Variants in TEX48 observed in about 807,000 individuals in gnomAD.
The protein encoded by TEX48 is testis-expressed protein 48.
Under a neutral mutation model 13.2 loss-of-function variants are expected in TEX48, and 10 were observed. The observed-to-expected ratio is 0.75, with a 90% confidence interval of 0.47 to 1.28. The LOEUF (loss-of-function observed/expected upper bound fraction) is 1.28. Among genes scored for constraint, TEX48 ranks in the 50% most tolerant of loss-of-function variants. TEX48 has a pLI of 0.00. For synonymous variants in TEX48, 45 were observed against 52.3 expected, an observed-to-expected ratio of 0.86 and a Z score of 0.60; for missense variants, 116 against 139.4, an observed-to-expected ratio of 0.83 and a Z score of 0.84.
rs2079145442 is a variant in TEX48 at position 114,680,120 on chromosome 9, C to CTTTTTTTTTTTTTTT, written c.-105+1914_-105+1915insAAAAAAAAAAAAAAA. Reference sequence around the variant, plus strand: ...GAAAATACTTTTAATTGTCATTGTCCCTTTTTTTTTTTTTTTTTTTTTTTG... The same window carrying CTTTTTTTTTTTTTTT: ...GAAAATACTTTTAATTGTCATTGTCCTTTTTTTTTTTTTTTCTTTTTTTTTTTTTTTTTTTTTTTG... On this transcript the variant is annotated intron_variant, in intron 1 of 4. Coordinates refer to ENST00000436752, the MANE Select transcript of TEX48 (RefSeq NM_001199233.2). 7.0e-3 allele frequency among the ~76,000 whole-genome samples: 365 copies of CTTTTTTTTTTTTTTT among 52,028 alleles called. 12 individuals are homozygous for CTTTTTTTTTTTTTTT. The highest frequency in any genetic ancestry group is 8.2e-3 in the Non-Finnish European group (219 of 26,556). 34.1% of individuals were successfully genotyped at this position (52,028 alleles called of 152,430 possible).
chr9:114,667,345 G>T lies in TEX48; in HGVS notation c.260-599C>A, dbSNP rs80181874. On this transcript the variant is annotated intron_variant, in intron 4 of 4. Coordinates refer to ENST00000436752, the MANE Select transcript of TEX48 (RefSeq NM_001199233.2). The stretch of plus-strand genomic sequence containing the variant: ...CACCTGGGGATAGAACTGGCGCCCA[G>T]CAATGTGGCTGCATTTCTTCTTCCT... 4.6e-4 allele frequency among the ~76,000 whole-genome samples: 70 copies of T among 152,308 alleles called. No individual in the cohort carries two copies. The East Asian group carries it at 9.6e-3, about 21-fold the overall frequency.
intron 3 of TEX48, 110 bp from the exon 4 acceptor site, chr9:114,668,447 T>A: frequency 1.1e-6 from 1 of 916,282 alleles, no homozygotes; most frequent in Non-Finnish European, 1.7e-6. Flanking sequence ...TGGGGGTTAT[T>A]ATGGGGTGGG....
chr9:114,678,838 C>CAAAAAAAAAAAAAAAAAAAAAAA (rs34355690), intron 1 of TEX48, among the ~76,000 whole-genome samples: 1 of 70,776 alleles, frequency 1.4e-5, no homozygotes. Context: ...GATCCTGACT[C>CAAAAAAAAAAAAAAAAAAAAAAA]AAAAAAAAAA....
At chr9:114,675,715 G>T (rs1032126660) in intron 1 of TEX48, among the ~76,000 whole-genome samples, 23 of 152,266 alleles carry the variant, frequency 1.5e-4, no homozygotes, top group African/African-American at 4.8e-4. Flanking sequence ...CCCACCAAGG[G>T]GGTCCCCAAG....
intron 1 of TEX48, among the ~76,000 whole-genome samples, chr9:114,675,756 A>G (rs1305673349): frequency 3.3e-5 from 5 of 152,104 alleles, no homozygotes; most frequent in Admixed American, 2.6e-4. Flanking sequence ...TGTGATCACC[A>G]CTGTTATTCT....
chr9:114,669,685 C>T (rs746854742), intron 3 of TEX48, among the ~76,000 whole-genome samples: 1 of 152,146 alleles, frequency 6.6e-6, no homozygotes, highest in Non-Finnish European at 1.5e-5. Context: ...AGGTGATCCA[C>T]CTGCCTTGGC....
intron 1 of TEX48, among the ~76,000 whole-genome samples, chr9:114,674,673 CCTTCTCT>C (rs1828028820): frequency 1.4e-5 from 2 of 139,784 alleles, no homozygotes; most frequent in African/African-American, 2.7e-5. Flanking sequence ...TTCCTTCTTT[CCTTCTCT>C]CTTGCTCTCA....
rs1320586086 is a variant in TEX48 at position 114,666,456 on chromosome 9, A to T, written c.*187T>A. On this transcript the variant is annotated 3_prime_UTR_variant, in exon 5 of 5. Transcript: ENST00000436752. ...TCCTCTGGTGCAATCAAGAACTTTAATTGGAGGCAGCTCTTCCCATGGTGG... is the reference window on the plus strand; with the variant it reads ...TCCTCTGGTGCAATCAAGAACTTTATTTGGAGGCAGCTCTTCCCATGGTGG... The T allele has an allele frequency of 4.0e-6, 2 of 500,656 alleles. No individual in the cohort carries two copies. The highest frequency in any genetic ancestry group is 3.9e-5 in the African/African-American group (2 of 50,888). The allele number at this position is 500,656 out of a possible 1,614,324, so 31.0% of individuals were successfully genotyped here.
chr9:114,680,304 T>C (rs1828168946), intron 1 of TEX48, among the ~76,000 whole-genome samples: 2 of 151,960 alleles, frequency 1.3e-5, no homozygotes, highest in Admixed American at 1.3e-4. Flanking sequence ...ATTTTAGTTT[T>C]TAGTAGAGAT....
chr9:114,666,862 G>A, intron 4 of TEX48, 116 bp from the exon 5 acceptor site: 1 of 622,526 alleles, frequency 1.6e-6, no homozygotes, highest in Admixed American at 2.9e-5. Flanking sequence ...TGAATCTCAA[G>A]GGACCCAAGG....
At chr9:114,677,585 A>G (rs765921322) in intron 1 of TEX48, among the ~76,000 whole-genome samples, 2 of 152,170 alleles carry the variant, frequency 1.3e-5, no homozygotes, top group African/African-American at 4.8e-5. Flanking sequence ...TGCACTTCAT[A>G]AGAAAGGAAT....
At chr9:114,679,816 C>G (rs1828152848) in intron 1 of TEX48, among the ~76,000 whole-genome samples, 1 of 152,188 alleles carries the variant, frequency 6.6e-6, no homozygotes, top group Non-Finnish European at 1.5e-5. Flanking sequence ...CTCACCTTGA[C>G]TGACACAGCA....
intron 1 of TEX48, among the ~76,000 whole-genome samples, chr9:114,673,292 G>A (rs1233282402): frequency 6.6e-6 from 1 of 152,014 alleles, no homozygotes; most frequent in Non-Finnish European, 1.5e-5. Flanking sequence ...GACCAACATG[G>A]AGAAACCCCG....
At position 114,668,201 on chromosome 9, in the gene TEX48, C is replaced by T. The variant is rs1346175375; in HGVS notation, c.259+5G>A. The T allele has an allele frequency of 6.5e-7, 1 of 1,535,482 alleles. No individual in the cohort carries two copies. The highest frequency in any genetic ancestry group is 8.7e-7 in the Non-Finnish European group (1 of 1,146,888). On this transcript the variant is annotated splice_donor_5th_base_variant and intron_variant, in intron 4 of 4. Transcript: ENST00000436752. ...TCAGTGTTAGGACCCCAATTTGGGA[C>T]TCACCCTCAAACTCACTGCTGCTGG...
intron 3 of TEX48, among the ~76,000 whole-genome samples, chr9:114,669,622 A>G (rs983855747): frequency 6.6e-6 from 1 of 152,000 alleles, no homozygotes; most frequent in Non-Finnish European, 1.5e-5. Context: ...TGTATTTTTA[A>G]TAGAGACGGG....
chr9:114,674,478 C>T (rs1164608646), intron 1 of TEX48, among the ~76,000 whole-genome samples: 1 of 152,170 alleles, frequency 6.6e-6, no homozygotes, highest in East Asian at 1.9e-4. Context: ...TTGCCCAGCA[C>T]CCCAGCACTT....
At chr9:114,675,714 G>T (rs1828046827) in intron 1 of TEX48, among the ~76,000 whole-genome samples, 1 of 152,110 alleles carries the variant, frequency 6.6e-6, no homozygotes. Flanking sequence ...CCCCACCAAG[G>T]GGGTCCCCAA....
At chr9:114,677,220 T>C (rs895701293) in intron 1 of TEX48, among the ~76,000 whole-genome samples, 2 of 142,978 alleles carry the variant, frequency 1.4e-5, no homozygotes, top group African/African-American at 2.7e-5. Flanking sequence ...TTGGATCTGC[T>C]GCCAGGTGAG....
At chr9:114,674,524 C>A (rs1828013847) in intron 1 of TEX48, among the ~76,000 whole-genome samples, 1 of 151,672 alleles carries the variant, frequency 6.6e-6, no homozygotes, top group African/African-American at 2.4e-5. Flanking sequence ...CAAACATTTT[C>A]TCTTTCTTTT....
Sources: allele counts gnomAD v4.1 joint callset (sites outside exome capture counted in the v4.1 genomes callset), GRCh38; gene constraint gnomAD v4.1.1; transcripts MANE v1.5; gene names NCBI Gene and HGNC (gene_info 2026-07-23, HGNC 2026-07-21).